The following HEPH variants were observed in gnomAD, a reference collection of about 807,000 sequenced individuals.
The protein encoded by HEPH is hephaestin.
HEPH carries 69 observed loss-of-function variants against 80.8 expected under a neutral mutation model. The observed-to-expected ratio is 0.85, with a 90% confidence interval of 0.70 to 1.04. The LOEUF is 1.04. Ranked by LOEUF, HEPH falls within the 50% of genes least tolerant of loss-of-function variation. The pLI is 0.00. For synonymous variants in HEPH, 431 were observed against 322.8 expected (o/e 1.34, Z -3.60); for missense variants, 1,115 against 891.3 (o/e 1.25, Z -3.20).
chrX:66,165,269 A>T (rs942199783), intron 1 of HEPH, among the ~76,000 whole-genome samples: 1 of 112,178 alleles, frequency 8.9e-6, no homozygotes, highest in African/African-American at 3.2e-5. Context: ...TAATTTATTG[A>T]AAGGTCACAT....
chrX:66,227,012 G>C (rs1371774727), intron 15 of HEPH, among the ~76,000 whole-genome samples: 1 of 111,680 alleles, frequency 9.0e-6, no homozygotes, highest in Non-Finnish European at 1.9e-5. Flanking sequence ...TATCCCTGAT[G>C]AACATAGATG....
chrX:66,195,066 C>G lies in HEPH; in HGVS notation c.1370-32C>G, dbSNP rs148357949. The stretch of plus-strand genomic sequence containing the variant: ...CTTCCTCCCTGTTTATCCCTTTCAT[C>G]ATTCTCATTGTCTCTCCTTCCCATT... On this transcript the variant is annotated intron_variant, in intron 8 of 20. Transcript: ENST00000343002. 5,392 of 1,118,984 alleles carry G rather than the reference C, an allele frequency of 4.8e-3. 12 individuals carry two copies. Among genetic ancestry groups the G allele is most frequent in the Middle Eastern group, 8.7e-3 (30 of 3,434 alleles). 92.2% of individuals were successfully genotyped at this position (1,118,984 alleles called of 1,213,427 possible). A position where few individuals can be genotyped will look rare whatever the true frequency, so the allele number is the denominator to read the frequency against.
chrX:66,192,025 AGTGGAGGGTGG>A, intron 6 of HEPH, 94 bp from the exon 7 acceptor site: 1 of 762,675 alleles, frequency 1.3e-6, no homozygotes, highest in Non-Finnish European at 1.9e-6. Flanking sequence ...TAAAGAGAGT[AGTGGAGGGTGG>A]GTGGAGGAAA....
chrX:66,223,260 C>CT (rs923282727), intron 15 of HEPH, among the ~76,000 whole-genome samples: 1 of 111,573 alleles, frequency 9.0e-6, no homozygotes, highest in Non-Finnish European at 1.9e-5. Flanking sequence ...AAGAAATTGA[C>CT]TTTTTGTTTT....
In HEPH at chrX:66,230,377, T is replaced by A. The variant is rs1478923816; in HGVS notation, c.2563+22131T>A. 6.8e-5 allele frequency among the ~76,000 whole-genome samples: 7 copies of A among 103,685 alleles called. No homozygotes were observed. In the South Asian group the frequency reaches 2.6e-3, roughly 38 times the overall value. 90.0% of individuals were successfully genotyped at this position (103,685 alleles called of 115,157 possible). On this transcript the variant is annotated intron_variant, in intron 15 of 20. Coordinates refer to ENST00000343002, the MANE Select transcript of HEPH (RefSeq NM_001367233.3). ...CTGACTTCCACAATGGTTGAACTAG[T>A]TTACAGTCCCACCAACAGTGTAAGA...
chrX:66,257,714 C>G, intron 17 of HEPH, among the ~76,000 whole-genome samples: 1 of 111,812 alleles, frequency 8.9e-6, no homozygotes. Context: ...GAGAAAAGAT[C>G]AATAAGAGGC....
chrX:66,251,671 G>A (rs750136779), intron 15 of HEPH, among the ~76,000 whole-genome samples: 12 of 111,493 alleles, frequency 1.1e-4, no homozygotes, highest in Non-Finnish European at 2.1e-4. Flanking sequence ...TTTGAATGTA[G>A]CATAGAAATC....
At chrX:66,216,396 C>T (rs777403826) in intron 15 of HEPH, among the ~76,000 whole-genome samples, 12 of 111,987 alleles carry the variant, frequency 1.1e-4, no homozygotes, top group Non-Finnish European at 1.9e-4. Flanking sequence ...GACATGAAGA[C>T]GGATTATATC....
At chrX:66,233,054 A>C (rs1043132384) in intron 15 of HEPH, among the ~76,000 whole-genome samples, 1 of 110,004 alleles carries the variant, frequency 9.1e-6, no homozygotes, top group Non-Finnish European at 1.9e-5. Context: ...TGATCTAAGC[A>C]AAAAATGGGC....
intron 6 of HEPH, among the ~76,000 whole-genome samples, chrX:66,190,448 G>T (rs977925571): frequency 9.0e-6 from 1 of 111,453 alleles, no homozygotes; most frequent in African/African-American, 3.3e-5. Flanking sequence ...GTATTGAGGA[G>T]CATCAGATGC....
intron 15 of HEPH, among the ~76,000 whole-genome samples, chrX:66,240,235 C>T (rs1360810266): frequency 1.8e-5 from 2 of 111,284 alleles, no homozygotes; most frequent in African/African-American, 6.5e-5. Flanking sequence ...TATCAGGAGA[C>T]TTGACACAGC....
At chrX:66,226,878 T>C (rs1279472881) in intron 15 of HEPH, among the ~76,000 whole-genome samples, 1 of 111,620 alleles carries the variant, frequency 9.0e-6, no homozygotes, top group Non-Finnish European at 1.9e-5. Context: ...GGTACCCATG[T>C]TATTGACACT....
chrX:66,189,336 C>T (rs1241045263), intron 5 of HEPH, among the ~76,000 whole-genome samples: 1 of 112,122 alleles, frequency 8.9e-6, no homozygotes, highest in Non-Finnish European at 1.9e-5. Flanking sequence ...ATGAAACCAC[C>T]CTGAAAGAAT....
intron 9 of HEPH, among the ~76,000 whole-genome samples, chrX:66,195,682 A>G (rs1260382948): frequency 9.0e-6 from 1 of 111,494 alleles, no homozygotes; most frequent in South Asian, 3.7e-4. Flanking sequence ...CATTTTAATG[A>G]CTATAAAACA....
In HEPH at chrX:66,192,124, C is replaced by T; in HGVS notation, c.1064-6C>T. On this transcript the variant is annotated splice_polypyrimidine_tract_variant and splice_region_variant and intron_variant, in intron 6 of 20. Coordinates refer to ENST00000343002, the MANE Select transcript of HEPH (RefSeq NM_001367233.3). Reference sequence around the variant, plus strand: ...AATGGGGTCAGCCATAATGTTCTTCCTTCAGATGGCATGCAGGCACTCTAC... The same window carrying T: ...AATGGGGTCAGCCATAATGTTCTTCTTTCAGATGGCATGCAGGCACTCTAC... 1.7e-6 allele frequency: 2 copies of T among 1,202,107 alleles called. No individual in the cohort carries two copies. The highest frequency in any genetic ancestry group is 3.5e-5 in the African/African-American group (2 of 57,474).
chrX:66,205,377 G>T (rs1444119449), intron 13 of HEPH, among the ~76,000 whole-genome samples: 1 of 111,400 alleles, frequency 9.0e-6, no homozygotes, highest in Non-Finnish European at 1.9e-5. Context: ...CATTTGCTGA[G>T]AAATTAATGG....
chrX:66,224,086 CT>C (rs528968841), intron 15 of HEPH, among the ~76,000 whole-genome samples: 28,474 of 96,740 alleles, frequency 0.29, 5,421 homozygotes, highest in African/African-American at 0.69. Context: ...CTTTCCCCCG[CT>C]TTTTTTTTTT....
chrX:66,167,252 C>T (rs1347159337), intron 1 of HEPH, among the ~76,000 whole-genome samples: 1 of 111,658 alleles, frequency 9.0e-6, no homozygotes, highest in African/African-American at 3.3e-5. Flanking sequence ...TATAAGATGG[C>T]AGATATGAAA....
intron 1 of HEPH, chrX:66,169,993 A>G (rs1470917061): frequency 8.9e-6 from 1 of 112,284 alleles, no homozygotes; most frequent in Non-Finnish European, 1.9e-5. Flanking sequence ...TTATTGCTAT[A>G]AAGAATTTCA....
Sources: allele counts gnomAD v4.1 joint callset (sites outside exome capture counted in the v4.1 genomes callset), GRCh38; gene constraint gnomAD v4.1.1; transcripts MANE v1.5; gene names NCBI Gene and HGNC (gene_info 2026-07-23, HGNC 2026-07-21).